Variants in ZNF804B observed in about 807,000 individuals in gnomAD.
ZNF804B encodes the protein zinc finger protein 804B.
ZNF804B carries 80 observed loss-of-function variants against 101.4 expected under a neutral mutation model. That is an observed-to-expected ratio of 0.79 (90% confidence interval 0.66 to 0.95). The LOEUF (loss-of-function observed/expected upper bound fraction) is 0.95, where lower values mean the gene tolerates loss of function less well. ZNF804B is among the 40% of genes least tolerant of loss of function. The pLI is 0.00. For synonymous variants in ZNF804B, 622 were observed against 558.8 expected (o/e 1.11, Z -1.59); for missense variants, 1,673 against 1,561.9 (o/e 1.07, Z -1.20).
chr7:89,021,226 A>G (rs770247362), intron 1 of ZNF804B, among the ~76,000 whole-genome samples: 13 of 152,112 alleles, frequency 8.5e-5, no homozygotes, highest in Admixed American at 2.0e-4. Flanking sequence ...TTCAGCAGCA[A>G]TCCATTTTAG....
chr7:88,903,367 A>C (rs1792420874), intron 1 of ZNF804B, among the ~76,000 whole-genome samples: 1 of 152,134 alleles, frequency 6.6e-6, no homozygotes, highest in Admixed American at 6.5e-5. Flanking sequence ...ATGGGCACCT[A>C]GCTTGATTCC....
chr7:89,056,706 G>A (rs752266863), intron 1 of ZNF804B, among the ~76,000 whole-genome samples: 17 of 152,096 alleles, frequency 1.1e-4, no homozygotes, highest in Non-Finnish European at 1.9e-4. Flanking sequence ...CAACAAGGTT[G>A]GATCTTACCA....
chr7:88,891,514 T>C (rs1267559338), intron 1 of ZNF804B, among the ~76,000 whole-genome samples: 2 of 152,136 alleles, frequency 1.3e-5, no homozygotes, highest in Non-Finnish European at 2.9e-5. Flanking sequence ...TCTGATAATC[T>C]CTTTAACTTG....
chr7:89,335,889 A>T lies in ZNF804B; in HGVS notation c.2907A>T (p.Pro969=). Residue 969 remains proline, a synonymous_variant, in exon 4 of 4, where the codon CCA becomes CCT. Transcript: ENST00000333190. ...TCCCATGCACAATTCAACTTGCACCATCAGGCTGTAACAGACAAGCATTGC... is the reference window on the plus strand; with the variant it reads ...TCCCATGCACAATTCAACTTGCACCTTCAGGCTGTAACAGACAAGCATTGC... The part of the protein sequence containing the change: ...SQVPCTIQLA[P]SGCNRQALPL... The T allele has an allele frequency of 6.2e-7, 1 of 1,614,140 alleles. No individual in the cohort carries two copies. The highest frequency in any genetic ancestry group is 8.5e-7 in the Non-Finnish European group (1 of 1,179,992).
At chr7:88,913,988 G>A (rs546465986) in intron 1 of ZNF804B, among the ~76,000 whole-genome samples, 6 of 152,222 alleles carry the variant, frequency 3.9e-5, no homozygotes, top group South Asian at 2.1e-4. Flanking sequence ...TTCCAAAAAC[G>A]GAAACTGAAC....
At position 89,287,505 on chromosome 7, in the gene ZNF804B, CAGAG is replaced by C. The variant is rs1790223261; in HGVS notation, c.250-39837_250-39834del. On this transcript the variant is annotated intron_variant, in intron 2 of 3. Coordinates refer to ENST00000333190, the MANE Select transcript of ZNF804B (RefSeq NM_181646.5). Reference sequence around the variant, plus strand: ...TAGCAGCAACAATCTTGCAGGGTGTCAGAGACTAATAGTAAATTTCTGGACTATT... The same window carrying C: ...TAGCAGCAACAATCTTGCAGGGTGTCACTAATAGTAAATTTCTGGACTATT... Among the ~76,000 whole-genome samples, 3 of 152,252 alleles carry C rather than the reference CAGAG, an allele frequency of 2.0e-5. No individual in the cohort carries two copies. In the South Asian group the frequency reaches 6.2e-4, roughly 32 times the overall value.
At chr7:89,271,923 T>G (rs1354321662) in intron 2 of ZNF804B, among the ~76,000 whole-genome samples, 1 of 152,158 alleles carries the variant, frequency 6.6e-6, no homozygotes, top group Non-Finnish European at 1.5e-5. Flanking sequence ...ATATCCCCTG[T>G]ATCATATTTG....
intron 1 of ZNF804B, among the ~76,000 whole-genome samples, chr7:88,849,563 G>A (rs1042718169): frequency 4.6e-5 from 7 of 151,470 alleles, no homozygotes; most frequent in African/African-American, 1.7e-4. Flanking sequence ...GCAGTGGCAT[G>A]ATTTTGGCTC....
chr7:88,760,004 A>G lies in ZNF804B; in HGVS notation c.28A>G (p.Arg10Gly). 6.2e-7 allele frequency: 1 copy of G among 1,614,194 alleles called. No individual in the cohort carries two copies. The highest frequency in any genetic ancestry group is 8.5e-7 in the Non-Finnish European group (1 of 1,180,030). The change falls in exon 1 of 4, where the codon AGA becomes GGA. Residue 10 changes from arginine (R) to glycine (G), a missense_variant. Coordinates refer to ENST00000333190, the MANE Select transcript of ZNF804B (RefSeq NM_181646.5). ...GGCTTGTTACCTGGTCATCAGTTCG[A>G]GACATCTCAGCAATGGGCACTACCG... MACYLVISS[R>G]HLSNGHYRGI...
At chr7:88,903,138 C>T (rs748858045) in intron 1 of ZNF804B, among the ~76,000 whole-genome samples, 7 of 150,364 alleles carry the variant, frequency 4.7e-5, no homozygotes, top group African/African-American at 1.7e-4. Context: ...TTAATTGATT[C>T]CATCTTTACG....
intron 2 of ZNF804B, among the ~76,000 whole-genome samples, chr7:89,325,833 C>G (rs1324400773): frequency 2.6e-5 from 4 of 151,908 alleles, no homozygotes; most frequent in Non-Finnish European, 4.4e-5. Flanking sequence ...GCAATTTTCT[C>G]TCTCTGACAC....
chr7:89,181,376 G>A (rs542828184), intron 1 of ZNF804B, among the ~76,000 whole-genome samples: 1 of 152,294 alleles, frequency 6.6e-6, no homozygotes, highest in East Asian at 1.9e-4. Flanking sequence ...TCTGACTTCT[G>A]GGATGGACAA....
intron 1 of ZNF804B, among the ~76,000 whole-genome samples, chr7:88,956,497 G>T (rs1212805722): frequency 6.6e-6 from 1 of 150,966 alleles, no homozygotes; most frequent in Admixed American, 6.6e-5. Context: ...AATGTTTATG[G>T]CACTCTATTA....
At chr7:88,798,856 C>T (rs1440603392) in intron 1 of ZNF804B, among the ~76,000 whole-genome samples, 3 of 152,044 alleles carry the variant, frequency 2.0e-5, no homozygotes, top group Non-Finnish European at 4.4e-5. Flanking sequence ...AGTTATTTAC[C>T]TTCAGATGGT....
intron 2 of ZNF804B, among the ~76,000 whole-genome samples, chr7:89,316,790 A>T (rs1439385725): frequency 6.6e-6 from 1 of 152,214 alleles, no homozygotes; most frequent in Non-Finnish European, 1.5e-5. Flanking sequence ...TGTGGTCTTT[A>T]CTTAAAAGAG....
chr7:89,295,961 G>A (rs1047853930), intron 2 of ZNF804B, among the ~76,000 whole-genome samples: 1 of 152,036 alleles, frequency 6.6e-6, no homozygotes, highest in Admixed American at 6.6e-5. Flanking sequence ...ATACGCAAAG[G>A]CATACAGAGT....
chr7:89,274,381 A>G (rs144740475), intron 2 of ZNF804B, among the ~76,000 whole-genome samples: 11,495 of 123,158 alleles, frequency 0.093, 674 homozygotes, highest in Middle Eastern at 0.17. Flanking sequence ...TCATTGTTCA[A>G]TTCCCACCTA....
intron 1 of ZNF804B, among the ~76,000 whole-genome samples, chr7:89,098,151 G>A (rs905288325): frequency 6.6e-6 from 1 of 151,958 alleles, no homozygotes; most frequent in Non-Finnish European, 1.5e-5. Context: ...GCTGTGTAAG[G>A]CTCTACACAA....
intron 1 of ZNF804B, among the ~76,000 whole-genome samples, chr7:88,937,992 CA>C (rs1792998373): frequency 6.6e-6 from 1 of 151,940 alleles, no homozygotes; most frequent in Non-Finnish European, 1.5e-5. Flanking sequence ...AACATGTGCC[CA>C]AGGTGGTAGG....
Sources: allele counts gnomAD v4.1 joint callset (sites outside exome capture counted in the v4.1 genomes callset), GRCh38; gene constraint gnomAD v4.1.1; transcripts MANE v1.5; gene names NCBI Gene and HGNC (gene_info 2026-07-23, HGNC 2026-07-21).